Variants in GALNT2 observed in about 807,000 individuals in gnomAD.
The protein encoded by GALNT2 is polypeptide N-acetylgalactosaminyltransferase 2.
GALNT2 carries 31 observed loss-of-function variants against 81.4 expected under a neutral mutation model. The ratio of observed to expected loss-of-function variants is 0.38; its 90% CI spans 0.29 to 0.51. The LOEUF (loss-of-function observed/expected upper bound fraction) is 0.51, where lower values mean the gene tolerates loss of function less well. GALNT2 is among the 20% of genes least tolerant of loss of function. The pLI is 0.87. For synonymous variants in GALNT2, 303 were observed against 287.4 expected, an observed-to-expected ratio of 1.05 and a Z score of -0.55; for missense variants, 629 against 765.7, an observed-to-expected ratio of 0.82 and a Z score of 2.11.
At chr1:230,159,809 C>T (rs1415131134) in intron 1 of GALNT2, among the ~76,000 whole-genome samples, 3 of 152,246 alleles carry the variant, frequency 2.0e-5, no homozygotes, top group African/African-American at 7.2e-5. Context: ...AATGACCCTC[C>T]TCTTCCTTGA....
At chr1:230,061,021 C>T (rs1659034042) in intron 1 of GALNT2, among the ~76,000 whole-genome samples, 1 of 152,070 alleles carries the variant, frequency 6.6e-6, no homozygotes. Flanking sequence ...GTCCTGGAAT[C>T]AATAATTTCT....
At chr1:230,137,112 C>T (rs1401936637) in intron 1 of GALNT2, among the ~76,000 whole-genome samples, 5 of 152,300 alleles carry the variant, frequency 3.3e-5, no homozygotes, top group South Asian at 2.1e-4. Context: ...GGAGCTGAGG[C>T]GTGTGGACTG....
intron 1 of GALNT2, among the ~76,000 whole-genome samples, chr1:230,128,878 A>G (rs1318932527): frequency 6.6e-6 from 1 of 152,196 alleles, no homozygotes; most frequent in Non-Finnish European, 1.5e-5. Flanking sequence ...GTTCGGGGAC[A>G]TCTCATGCCT....
intron 14 of GALNT2, among the ~76,000 whole-genome samples, chr1:230,269,188 C>CTTTT (rs397972608): frequency 1.9e-5 from 2 of 105,674 alleles, no homozygotes; most frequent in Non-Finnish European, 3.8e-5. Flanking sequence ...GTTGCCCAGG[C>CTTTT]TTTTTTTTTT....
At chr1:230,072,943 A>G (rs955266028) in intron 1 of GALNT2, among the ~76,000 whole-genome samples, 32 of 152,326 alleles carry the variant, frequency 2.1e-4, no homozygotes, top group African/African-American at 7.5e-4. Context: ...GATGGGAACA[A>G]TCCCTTTTCC....
Position 230,118,066 on chromosome 1 carries a change from A to G in GALNT2, c.126+50660A>G, listed in dbSNP as rs570285231. 7.4e-4 allele frequency among the ~76,000 whole-genome samples: 113 copies of G among 152,332 alleles called. No individual in the cohort carries two copies. In the Middle Eastern group the frequency reaches 0.02, roughly 28 times the overall value. On this transcript the variant is annotated intron_variant, in intron 1 of 15. Coordinates refer to ENST00000366672, the MANE Select transcript of GALNT2 (RefSeq NM_004481.5). The stretch of plus-strand genomic sequence containing the variant: ...TTTTACTGTCTCCATCACTTTGCCT[A>G]TCCCAGAATGTTGGAATCATTCAGT...
At chr1:230,246,675 A>G (rs968795035) in intron 8 of GALNT2, among the ~76,000 whole-genome samples, 6 of 152,050 alleles carry the variant, frequency 3.9e-5, no homozygotes, top group African/African-American at 1.2e-4. Flanking sequence ...CCTTGCATGT[A>G]TCATGGTTTC....
chr1:230,084,236 C>T (rs1013250721), intron 1 of GALNT2, among the ~76,000 whole-genome samples: 4 of 152,154 alleles, frequency 2.6e-5, no homozygotes, highest in African/African-American at 9.7e-5. Context: ...GGAAGGAGGG[C>T]AGGCTGGGGG....
chr1:230,114,076 C>G (rs1464636952), intron 1 of GALNT2, among the ~76,000 whole-genome samples: 1 of 152,126 alleles, frequency 6.6e-6, no homozygotes, highest in Admixed American at 6.5e-5. Flanking sequence ...CCGTTTTTGA[C>G]GTGTGTTTCC....
chr1:230,208,241 G>T (rs1006644313), intron 3 of GALNT2, among the ~76,000 whole-genome samples: 1 of 152,186 alleles, frequency 6.6e-6, no homozygotes, highest in Admixed American at 6.5e-5. Context: ...AGTAGCATTG[G>T]TGGTGGTGAG....
chr1:230,243,900 C>T lies in GALNT2; in HGVS notation c.729+473C>T, dbSNP rs922358962. 3.3e-5 allele frequency among the ~76,000 whole-genome samples: 5 copies of T among 152,120 alleles called. No homozygotes were observed. Among genetic ancestry groups the T allele is most frequent in the African/African-American group, 9.7e-5 (4 of 41,422 alleles). ...GGTTAGCCCAGCAGGCTTCCAGGCT[C>T]CTGTGGGAGAGGGTTGTGGCTAGGA... On this transcript the variant is annotated intron_variant, in intron 7 of 15. Transcript: ENST00000366672. This position sits in a 1 kb window ranked among gnomAD's most constrained non-coding sequence, Gnocchi z 4.2.
chr1:230,145,789 T>C (rs988055071), intron 1 of GALNT2, among the ~76,000 whole-genome samples: 2 of 152,232 alleles, frequency 1.3e-5, no homozygotes, highest in Non-Finnish European at 2.9e-5. Flanking sequence ...CATCTGGACT[T>C]GGAAATACCA....
At chr1:230,124,052 AT>A (rs1457794720) in intron 1 of GALNT2, among the ~76,000 whole-genome samples, 1 of 152,232 alleles carries the variant, frequency 6.6e-6, no homozygotes, top group African/African-American at 2.4e-5. Flanking sequence ...ACCTGAAGAT[AT>A]GACTCCCTGT....
intron 6 of GALNT2, among the ~76,000 whole-genome samples, chr1:230,240,610 T>C (rs931639110): frequency 1.3e-5 from 2 of 151,970 alleles, no homozygotes; most frequent in African/African-American, 4.8e-5. Flanking sequence ...CATACTGTTG[T>C]TCCTTTGTAT....
At chr1:230,191,738 C>T (rs1185140633) in intron 2 of GALNT2, among the ~76,000 whole-genome samples, 1 of 152,264 alleles carries the variant, frequency 6.6e-6, no homozygotes, top group Admixed American at 6.5e-5. Flanking sequence ...ATCTCAAACT[C>T]CTGAGCCCAA....
At position 230,129,075 on chromosome 1, in the gene GALNT2, G is replaced by A. The variant is rs59757328; in HGVS notation, c.127-49143G>A. Among the ~76,000 whole-genome samples, 741 of 152,306 alleles carry A rather than the reference G, an allele frequency of 4.9e-3. 5 individuals carry two copies. The highest frequency in any genetic ancestry group is 0.017 in the African/African-American group (697 of 41,566). On this transcript the variant is annotated intron_variant, in intron 1 of 15. Transcript: ENST00000366672. ...GCCGCTAGCGACGCATCAGTCATTC[G>A]GTGTATTTCGGGCTCTCTCATAATT...
At chr1:230,065,724 G>A (rs543687367), upstream of GALNT2, among the ~76,000 whole-genome samples, 21 of 152,276 alleles carry the variant, frequency 1.4e-4, no homozygotes, top group Non-Finnish European at 2.4e-4. Flanking sequence ...GTTGGTGTTT[G>A]GGGAGGGGAC....
intron 8 of GALNT2, among the ~76,000 whole-genome samples, chr1:230,248,545 T>C (rs147093123): frequency 5.3e-5 from 8 of 152,326 alleles, no homozygotes; most frequent in African/African-American, 1.4e-4. Context: ...GTCTAGGCTC[T>C]TCTATCCTCA....
At chr1:230,058,320 C>T (rs560837461) in intron 1 of GALNT2, among the ~76,000 whole-genome samples, 2 of 152,278 alleles carry the variant, frequency 1.3e-5, no homozygotes, top group Non-Finnish European at 2.9e-5. Flanking sequence ...GAGAGGGTTA[C>T]ACAGCGGGGA....
Sources: allele counts gnomAD v4.1 joint callset (sites outside exome capture counted in the v4.1 genomes callset), GRCh38; gene constraint gnomAD v4.1.1; non-coding constraint Gnocchi (gnomAD v3.1); transcripts MANE v1.5; gene names NCBI Gene and HGNC (gene_info 2026-07-23, HGNC 2026-07-21).